The following RPS6KA5 variants were observed in gnomAD, a reference collection of about 807,000 sequenced individuals.
RPS6KA5 encodes the protein ribosomal protein S6 kinase alpha-5.
In RPS6KA5, 27 loss-of-function variants were observed where a neutral mutation model predicts 85.5. The ratio of observed to expected loss-of-function variants is 0.32; its 90% CI spans 0.23 to 0.44. The LOEUF (loss-of-function observed/expected upper bound fraction) is 0.44, where lower values mean the gene tolerates loss of function less well. RPS6KA5 is among the 20% of genes least tolerant of loss of function. The pLI is 1.00. For synonymous variants in RPS6KA5, 334 were observed against 348.2 expected, an observed-to-expected ratio of 0.96 and a Z score of 0.46; for missense variants, 811 against 980.9, an observed-to-expected ratio of 0.83 and a Z score of 2.31.
chr14:91,005,536 A>G (rs1160680586), intron 1 of RPS6KA5, among the ~76,000 whole-genome samples: 1 of 152,182 alleles, frequency 6.6e-6, no homozygotes, highest in South Asian at 2.1e-4. Context: ...TTTGTCCATT[A>G]TAAAGATTTT....
intron 1 of RPS6KA5, among the ~76,000 whole-genome samples, chr14:91,019,942 CCTACTAT>C: frequency 6.6e-6 from 1 of 152,180 alleles, no homozygotes; most frequent in Middle Eastern, 3.2e-3. Flanking sequence ...GATGGTACAG[CCTACTAT>C]ACACCTAGGC....
chr14:90,893,074 C>A (rs988966591), intron 13 of RPS6KA5, among the ~76,000 whole-genome samples: 1 of 152,036 alleles, frequency 6.6e-6, no homozygotes, highest in Non-Finnish European at 1.5e-5. Flanking sequence ...TGACAGATGG[C>A]CAGTTATCAA....
At chr14:91,014,981 GTACTATTAT>G (rs1428651899) in intron 1 of RPS6KA5, among the ~76,000 whole-genome samples, 3 of 152,062 alleles carry the variant, frequency 2.0e-5, no homozygotes, top group Non-Finnish European at 4.4e-5. Flanking sequence ...ATTTGAAAAT[GTACTATTAT>G]TATAAAACAA....
At chr14:90,965,060 C>A (rs1018278302) in intron 3 of RPS6KA5, among the ~76,000 whole-genome samples, 2 of 152,026 alleles carry the variant, frequency 1.3e-5, no homozygotes, top group African/African-American at 4.8e-5. Context: ...AGGCTGAAGC[C>A]ATTTATATCA....
chr14:90,904,195 C>T (rs890164219), intron 8 of RPS6KA5, among the ~76,000 whole-genome samples: 3 of 152,150 alleles, frequency 2.0e-5, no homozygotes, highest in Non-Finnish European at 2.9e-5. Context: ...GTGATCCGCC[C>T]ACCTTGGCCT....
At chr14:91,058,749 A>T (rs1425703620) in intron 1 of RPS6KA5, among the ~76,000 whole-genome samples, 4 of 152,216 alleles carry the variant, frequency 2.6e-5, no homozygotes, top group African/African-American at 7.2e-5. Flanking sequence ...TTATGTTAGG[A>T]ACTCAAAAAT....
chr14:90,896,895 T>C (rs2034868117), intron 12 of RPS6KA5, among the ~76,000 whole-genome samples: 1 of 152,016 alleles, frequency 6.6e-6, no homozygotes. Context: ...TAATTTTTTG[T>C]ATTTTTTGGT....
chr14:91,038,743 C>T (rs1305954676), intron 1 of RPS6KA5, among the ~76,000 whole-genome samples: 1 of 152,246 alleles, frequency 6.6e-6, no homozygotes, highest in Non-Finnish European at 1.5e-5. Flanking sequence ...TGCTTCACTT[C>T]TGTCTTCCAA....
intron 2 of RPS6KA5, among the ~76,000 whole-genome samples, chr14:90,988,249 T>C (rs2040145117): frequency 1.3e-5 from 2 of 152,226 alleles, no homozygotes; most frequent in South Asian, 4.1e-4. Flanking sequence ...AAAATACTCA[T>C]TAAGAAATGA....
In RPS6KA5 at chr14:91,001,177, GAA is replaced by G; in HGVS notation, c.104-20_104-19del. ...CAAATTAGCTAAAAGAAAAAAAGAG[GAA>G]AAAAAAAACAAGAGGGTCAGCAATA... On this transcript the variant is annotated intron_variant, in intron 1 of 16. Transcript: ENST00000614987. 2 of 1,417,496 alleles carry G rather than the reference GAA, an allele frequency of 1.4e-6. No individual in the cohort carries two copies. Among genetic ancestry groups the G allele is most frequent in the East Asian group, 2.5e-5 (1 of 39,538 alleles). 87.8% of individuals were successfully genotyped at this position (1,417,496 alleles called of 1,614,324 possible).
At chr14:90,880,583 G>A (rs1479565441) in intron 14 of RPS6KA5, among the ~76,000 whole-genome samples, 2 of 152,222 alleles carry the variant, frequency 1.3e-5, no homozygotes, top group East Asian at 1.9e-4. Flanking sequence ...GATCTAGTTG[G>A]TTAAGTCCTC....
At chr14:90,924,572 G>C (rs930431238) in intron 5 of RPS6KA5, among the ~76,000 whole-genome samples, 1 of 152,062 alleles carries the variant, frequency 6.6e-6, no homozygotes, top group South Asian at 2.1e-4. Context: ...ATTTTCTCAA[G>C]GAGACAACCT....
chr14:90,952,979 T>C (rs2038286385), intron 3 of RPS6KA5, among the ~76,000 whole-genome samples: 1 of 152,210 alleles, frequency 6.6e-6, no homozygotes, highest in South Asian at 2.1e-4. Context: ...TGGAATTATG[T>C]TTCTCTGTTT....
chr14:90,958,642 C>A (rs1033984241), intron 3 of RPS6KA5, among the ~76,000 whole-genome samples: 1 of 152,058 alleles, frequency 6.6e-6, no homozygotes, highest in African/African-American at 2.4e-5. Flanking sequence ...AAGGTTTGTT[C>A]ATTTTATTCA....
intron 15 of RPS6KA5, among the ~76,000 whole-genome samples, chr14:90,874,294 G>A (rs1328474733): frequency 6.6e-6 from 1 of 152,214 alleles, no homozygotes; most frequent in Non-Finnish European, 1.5e-5. Context: ...CAGGCACAGT[G>A]TGTTAGCAGG....
chr14:90,909,719 A>G (rs1481353841), intron 7 of RPS6KA5, among the ~76,000 whole-genome samples: 1 of 152,220 alleles, frequency 6.6e-6, no homozygotes, highest in Non-Finnish European at 1.5e-5. Flanking sequence ...TAGCAAATAA[A>G]TTAATAGCCA....
chr14:91,031,471 T>G (rs1274029005), intron 1 of RPS6KA5, among the ~76,000 whole-genome samples: 1 of 152,122 alleles, frequency 6.6e-6, no homozygotes, highest in Non-Finnish European at 1.5e-5. Flanking sequence ...GAAAATCCCA[T>G]TATGACAGTT....
chr14:91,052,657 T>C (rs1475977788), intron 1 of RPS6KA5, among the ~76,000 whole-genome samples: 2 of 145,800 alleles, frequency 1.4e-5, no homozygotes, highest in Non-Finnish European at 3.0e-5. Context: ...ACCCCGTCTC[T>C]ACTAAAAGTA....
intron 3 of RPS6KA5, among the ~76,000 whole-genome samples, chr14:90,967,694 A>T (rs1346893831): frequency 6.6e-6 from 1 of 152,244 alleles, no homozygotes; most frequent in Non-Finnish European, 1.5e-5. Context: ...TCTGGTTTTT[A>T]TTCAAGTGCA....
Sources: gnomAD v4.1 joint callset for allele counts (sites outside exome capture counted in the v4.1 genomes callset) on GRCh38, gnomAD v4.1.1 for gene constraint, MANE v1.5 for transcripts, NCBI Gene and HGNC (gene_info 2026-07-23, HGNC 2026-07-21) for gene names.